Variants in COL14A1 observed in about 807,000 individuals in gnomAD.
COL14A1 encodes the protein collagen type XIV alpha 1 chain.
In COL14A1, 136 loss-of-function variants were observed where a neutral mutation model predicts 230.3. That is an observed-to-expected ratio of 0.59 (90% CI 0.51 to 0.68). The LOEUF (loss-of-function observed/expected upper bound fraction) is 0.68, where lower values mean the gene tolerates loss of function less well. Ranked by LOEUF, COL14A1 falls within the 30% of genes least tolerant of loss-of-function variation. The pLI is 0.00. For missense variants in COL14A1, 1,976 were observed against 2,215.8 expected (o/e 0.89, Z 2.17); for synonymous variants, 792 against 784.1 (o/e 1.01, Z -0.17).
At chr8:120,293,501 A>T (rs1307068125) in intron 34 of COL14A1, among the ~76,000 whole-genome samples, 5 of 151,952 alleles carry the variant, frequency 3.3e-5, no homozygotes, top group Middle Eastern at 3.4e-3. Flanking sequence ...ATCCTGTAAT[A>T]ATCCTTGAAA....
chr8:120,204,966 C>T (rs546643553), intron 9 of COL14A1, among the ~76,000 whole-genome samples: 4 of 152,034 alleles, frequency 2.6e-5, no homozygotes, highest in Non-Finnish European at 5.9e-5. Flanking sequence ...CTCTTCTCTA[C>T]TTGACCTCTC....
intron 17 of COL14A1, 83 bp downstream of exon 17, chr8:120,227,435 T>C (rs1397065895): frequency 6.6e-7 from 1 of 1,526,558 alleles, no homozygotes; most frequent in Non-Finnish European, 8.9e-7. Flanking sequence ...CCATCTGCTT[T>C]ATCTTTGGCT....
chr8:120,171,728 T>C (rs1816099449), intron 5 of COL14A1, among the ~76,000 whole-genome samples: 1 of 152,210 alleles, frequency 6.6e-6, no homozygotes, highest in African/African-American at 2.4e-5. Flanking sequence ...ATTTCAGATT[T>C]ATATCTTTCA....
chr8:120,302,764 T>C (rs1213883833), intron 36 of COL14A1, among the ~76,000 whole-genome samples: 1 of 152,208 alleles, frequency 6.6e-6, no homozygotes, highest in Admixed American at 6.5e-5. Flanking sequence ...AGTTTTTTTC[T>C]AGTTCTGTAA....
intron 13 of COL14A1, among the ~76,000 whole-genome samples, chr8:120,215,834 A>G (rs1187977937): frequency 3.3e-5 from 5 of 152,180 alleles, no homozygotes; most frequent in African/African-American, 1.2e-4. Context: ...CTGAGGGAAG[A>G]GGCAAGAGGG....
intron 40 of COL14A1, among the ~76,000 whole-genome samples, chr8:120,316,555 C>T (rs1181355698): frequency 3.9e-5 from 6 of 151,994 alleles, no homozygotes; most frequent in Admixed American, 1.3e-4. Context: ...GGTTCTTGTT[C>T]TCAAAGAGTT....
At position 120,166,932 on chromosome 8, in the gene COL14A1, A is replaced by ATGG. The variant is rs1274156430; in HGVS notation, c.350-1219_350-1217dup. Among the ~76,000 whole-genome samples, 409 of 112,772 alleles carry ATGG rather than the reference A, an allele frequency of 3.6e-3. 2 individuals carry two copies. Among genetic ancestry groups the ATGG allele is most frequent in the African/African-American group, 0.013 (387 of 30,856 alleles). The allele number at this position is 112,772 out of a possible 152,430, so 74.0% of individuals were successfully genotyped here. On this transcript the variant is annotated intron_variant, in intron 4 of 47. Coordinates refer to ENST00000297848, the MANE Select transcript of COL14A1 (RefSeq NM_021110.4). ...TGTGTGTGTGTGTGTGGTGGTGATG[A>ATGG]TGGTGGTGGTGGGGGTGCTCCAAAG...
At chr8:120,355,646 C>A (rs1405556111) in intron 45 of COL14A1, among the ~76,000 whole-genome samples, 1 of 152,062 alleles carries the variant, frequency 6.6e-6, no homozygotes, top group African/African-American at 2.4e-5. Context: ...CTCCTAACCT[C>A]AACTGACAAC....
chr8:120,293,996 G>A (rs535193253), intron 34 of COL14A1, among the ~76,000 whole-genome samples: 127 of 151,934 alleles, frequency 8.4e-4, no homozygotes, highest in African/African-American at 2.8e-3. Context: ...TCTTAGTTTT[G>A]TGATGGCGTC....
chr8:120,137,353 T>G (rs915873966), intron 1 of COL14A1, among the ~76,000 whole-genome samples: 4 of 152,190 alleles, frequency 2.6e-5, no homozygotes, highest in Admixed American at 2.6e-4. Flanking sequence ...TTTCAATCTT[T>G]GTTCCTTGAT....
chr8:120,167,279 A>C (rs926182407), intron 4 of COL14A1, among the ~76,000 whole-genome samples: 1 of 152,292 alleles, frequency 6.6e-6, no homozygotes, highest in East Asian at 1.9e-4. Flanking sequence ...GAAGGCAGCA[A>C]GGGTGGTTCA....
Position 120,280,749 on chromosome 8 carries a change from G to A in COL14A1, c.3685G>A (p.Gly1229Arg). 4 of 1,613,034 alleles carry A rather than the reference G, an allele frequency of 2.5e-6. No individual in the cohort carries two copies. In the Middle Eastern group the frequency reaches 6.6e-4, roughly 266 times the overall value. Residue 1229 changes from glycine (G) to arginine (R), a missense_variant and splice_region_variant, in exon 30 of 48, where the codon GGA becomes AGA. By Grantham distance (125) the Gly-to-Arg change is moderately radical. Transcript: ENST00000297848. Reference protein sequence around the residue: ...VVHKDGIDLAGFKMMEMFGLV... With the variant: ...VVHKDGIDLARFKMMEMFGLV... Reference sequence around the variant, plus strand: ...ACACAAGGATGGCATTGATCTTGCAGGTATGCATTATCACAATCTTTTCAA... The same window carrying A: ...ACACAAGGATGGCATTGATCTTGCAAGTATGCATTATCACAATCTTTTCAA...
intron 17 of COL14A1, among the ~76,000 whole-genome samples, chr8:120,228,426 A>G (rs567971024): frequency 6.6e-6 from 1 of 152,320 alleles, no homozygotes; most frequent in East Asian, 1.9e-4. Context: ...TTTCAAAGTA[A>G]TTGGGTGGTT....
intron 40 of COL14A1, 41 bp downstream of exon 40, chr8:120,316,038 C>T (rs1821217154): frequency 1.9e-6 from 3 of 1,602,432 alleles, no homozygotes; most frequent in South Asian, 1.1e-5. Flanking sequence ...AAAGTAGTGA[C>T]CTTTTCACCA....
At chr8:120,264,916 C>T (rs1207158766) in intron 24 of COL14A1, among the ~76,000 whole-genome samples, 4 of 152,258 alleles carry the variant, frequency 2.6e-5, no homozygotes, top group South Asian at 4.2e-4. Context: ...TCCTTGACCC[C>T]GCACTGGTTA....
At chr8:120,148,391 G>A (rs1024212175) in intron 2 of COL14A1, among the ~76,000 whole-genome samples, 3 of 151,918 alleles carry the variant, frequency 2.0e-5, no homozygotes, top group Non-Finnish European at 2.9e-5. Flanking sequence ...TCGGCCTCCC[G>A]AAGTGCTGGG....
At chr8:120,300,581 G>T (rs1286708506) in intron 35 of COL14A1, 151 bp from the exon 36 acceptor site, 2 of 651,656 alleles carry the variant, frequency 3.1e-6, no homozygotes, top group African/African-American at 1.8e-5. Flanking sequence ...TTACAGAAAA[G>T]ATTTTGTAAT....
intron 43 of COL14A1, 113 bp from the exon 44 acceptor site, chr8:120,342,267 G>GAA: frequency 1.9e-6 from 2 of 1,034,808 alleles, no homozygotes; most frequent in Admixed American, 1.9e-5. Context: ...TGTTGCTAGG[G>GAA]GCCAAAGATC....
intron 26 of COL14A1, among the ~76,000 whole-genome samples, chr8:120,276,986 CT>C (rs1234608872): frequency 1.3e-5 from 2 of 151,974 alleles, no homozygotes; most frequent in African/African-American, 2.4e-5. Context: ...CTGGCAGCAG[CT>C]TAAGGCCCAT....
Sources: allele counts gnomAD v4.1 joint callset (sites outside exome capture counted in the v4.1 genomes callset), GRCh38; gene constraint gnomAD v4.1.1; transcripts MANE v1.5; gene names NCBI Gene and HGNC (gene_info 2026-07-23, HGNC 2026-07-21).